GPAM: variants seen among roughly 807,000 people sequenced by gnomAD.
GPAM encodes the protein glycerol-3-phosphate acyltransferase, mitochondrial.
GPAM carries 56 observed loss-of-function variants against 105.0 expected under a neutral mutation model. That is an observed-to-expected ratio of 0.53 (90% CI 0.43 to 0.67). The LOEUF is 0.67. Among genes scored for constraint, GPAM ranks in the 30% least tolerant of loss-of-function variants. The pLI, the probability that GPAM is intolerant of heterozygous loss-of-function variation, is 0.00. For synonymous variants in GPAM, 368 were observed against 354.4 expected, an observed-to-expected ratio of 1.04 and a Z score of -0.43; for missense variants, 855 against 989.8, an observed-to-expected ratio of 0.86 and a Z score of 1.83.
chr10:112,207,928 C>A (rs1847869609), intron 1 of GPAM, among the ~76,000 whole-genome samples: 1 of 152,200 alleles, frequency 6.6e-6, no homozygotes. Flanking sequence ...CCTAGCATGA[C>A]CTGCTTATTT....
intron 9 of GPAM, among the ~76,000 whole-genome samples, chr10:112,170,946 G>A (rs944279067): frequency 3.9e-5 from 6 of 152,274 alleles, no homozygotes; most frequent in Admixed American, 1.3e-4. Flanking sequence ...TGAACCAAGG[G>A]ATTAAGAAGG....
chr10:112,227,285 A>G, the GPAM span, among the ~76,000 whole-genome samples: 1 of 152,346 alleles, frequency 6.6e-6, no homozygotes, highest in Non-Finnish European at 1.5e-5. Context: ...TCTTTCCACA[A>G]AGGAGGGTCC....
chr10:112,176,902 G>C (rs1202023376), intron 5 of GPAM, among the ~76,000 whole-genome samples: 1 of 152,076 alleles, frequency 6.6e-6, no homozygotes, highest in Non-Finnish European at 1.5e-5. Context: ...ATTCTGCCTC[G>C]TCATCATAGC....
intron 7 of GPAM, 151 bp downstream of exon 7, chr10:112,173,548 A>G (rs1271482475): frequency 2.4e-6 from 2 of 821,568 alleles, no homozygotes; most frequent in Non-Finnish European, 4.0e-6. Flanking sequence ...AAAGCTGAAT[A>G]AGAATATAAG....
intron 9 of GPAM, among the ~76,000 whole-genome samples, chr10:112,170,511 A>G (rs1031157280): frequency 6.6e-6 from 1 of 152,206 alleles, no homozygotes; most frequent in Non-Finnish European, 1.5e-5. Flanking sequence ...CCTAATTGAG[A>G]ACCAAATGTG....
chr10:112,194,819 C>T (rs1451811154), intron 1 of GPAM, among the ~76,000 whole-genome samples: 1 of 152,172 alleles, frequency 6.6e-6, no homozygotes, highest in Admixed American at 6.5e-5. Flanking sequence ...GCATGTTTTG[C>T]TGGCTCAAGT....
In GPAM at chr10:112,175,451, T is replaced by G. The variant is rs2792692; in HGVS notation, c.413+149A>C. 2.7e-3 allele frequency: 1,740 copies of G among 641,286 alleles called. 24 individuals are homozygous for G. In the African/African-American group the frequency reaches 0.028, roughly 10 times the overall value. 39.7% of individuals were successfully genotyped at this position (641,286 alleles called of 1,614,324 possible). A position where few individuals can be genotyped will look rare whatever the true frequency, so the allele number is the denominator to read the frequency against. ...TTCTCCTGCCTTTCTTTAGTTTCCT[T>G]TGGAGCTTAACATTTAATGTTTGGA... On this transcript the variant is annotated intron_variant, in intron 6 of 21. Coordinates refer to ENST00000348367, the MANE Select transcript of GPAM (RefSeq NM_001244949.2).
At chr10:112,222,390 A>T in the GPAM span, among the ~76,000 whole-genome samples, 3 of 152,296 alleles carry the variant, frequency 2.0e-5, no homozygotes, top group Non-Finnish European at 4.4e-5. Context: ...TTTGTTTTTT[A>T]AAATGACTCA....
At chr10:112,223,936 G>C in the GPAM span, among the ~76,000 whole-genome samples, 1 of 152,156 alleles carries the variant, frequency 6.6e-6, no homozygotes, top group East Asian at 1.9e-4. Flanking sequence ...AGGCATCACA[G>C]GGTTTTAGGT....
Position 112,173,835 on chromosome 10 carries a change from C to T in GPAM, c.424G>A (p.Ala142Thr). The T allele has an allele frequency of 6.2e-7, 1 of 1,611,094 alleles. No individual in the cohort carries two copies. Among genetic ancestry groups the T allele is most frequent in the Non-Finnish European group, 8.5e-7 (1 of 1,177,312 alleles). ...AATTCAGCAGCCACTTCTGCAATTG[C>T]CTCTTGTACTCTGGTATGAAAATGG... The part of the protein sequence containing the change: ...NVLNSSRVQE[A>T]IAEVAAELNP... The change falls in exon 7 of 22, where the codon GCA becomes ACA. Residue 142 changes from alanine to threonine, a missense_variant. Transcript: ENST00000348367.
upstream of GPAM, among the ~76,000 whole-genome samples, chr10:112,220,003 T>G (rs1034574246): frequency 6.6e-6 from 1 of 152,210 alleles, no homozygotes; most frequent in Non-Finnish European, 1.5e-5. Flanking sequence ...TCACAAGATT[T>G]GCCACTTTTC....
In GPAM at chr10:112,161,682, G is replaced by A. The variant is rs1338054896; in HGVS notation, c.1479C>T (p.Leu493=). ...MSTHIVACLL[L]YRHRQGIDLS... is the part of the protein sequence containing the mutation. ...GCAGACATACCTGCCTGTGTCTGTA[G>A]AGGAGCAGGCAAGCCACAATGTGTG... Residue 493 remains leucine, a synonymous_variant, in exon 15 of 22, where the codon CTC becomes CTT. Coordinates refer to ENST00000348367, the MANE Select transcript of GPAM (RefSeq NM_001244949.2). 4 of 1,612,880 alleles carry A rather than the reference G, an allele frequency of 2.5e-6. No homozygotes were observed. In the African/African-American group the frequency reaches 5.3e-5, roughly 22 times the overall value.
chr10:112,189,783 G>A (rs1052696874), intron 1 of GPAM, among the ~76,000 whole-genome samples: 3 of 152,110 alleles, frequency 2.0e-5, no homozygotes, highest in South Asian at 2.1e-4. Flanking sequence ...CATTTGCTAC[G>A]TAATTCAATA....
chr10:112,221,956 A>T, the GPAM span, among the ~76,000 whole-genome samples: 1 of 152,244 alleles, frequency 6.6e-6, no homozygotes, highest in Non-Finnish European at 1.5e-5. Flanking sequence ...TTCTGGATAT[A>T]TTTCAAAAGA....
upstream of GPAM, among the ~76,000 whole-genome samples, chr10:112,216,735 T>C (rs1359569634): frequency 6.6e-6 from 1 of 152,098 alleles, no homozygotes; most frequent in African/African-American, 2.4e-5. Flanking sequence ...GCGATTCTCG[T>C]GCCTCAGCCT....
upstream of GPAM, among the ~76,000 whole-genome samples, chr10:112,219,833 C>T (rs1848002547): frequency 6.6e-6 from 1 of 152,164 alleles, no homozygotes; most frequent in Non-Finnish European, 1.5e-5. Context: ...TGGGGTCTGG[C>T]CAAGTGACCT....
Position 112,173,682 on chromosome 10 carries a change from G to A in GPAM, c.560+17C>T, listed in dbSNP as rs1282328158. 6.2e-7 allele frequency: 1 copy of A among 1,612,316 alleles called. No individual in the cohort carries two copies. Among genetic ancestry groups the A allele is most frequent in the African/African-American group, 1.3e-5 (1 of 75,038 alleles). On this transcript the variant is annotated intron_variant, in intron 7 of 21. Transcript: ENST00000348367. ...GCATGGCTGTGATTGAAAGCTTTCT[G>A]CCTTGCCTTTTAATACCTGATCATT...
chr10:112,169,753 G>T (rs1215614619), intron 9 of GPAM, among the ~76,000 whole-genome samples: 3 of 152,212 alleles, frequency 2.0e-5, no homozygotes, highest in Non-Finnish European at 4.4e-5. Flanking sequence ...GGGCCACACA[G>T]CAGGAGATGA....
the GPAM span, among the ~76,000 whole-genome samples, chr10:112,227,583 G>A: frequency 6.6e-6 from 1 of 152,188 alleles, no homozygotes; most frequent in Admixed American, 6.5e-5. Context: ...TCATCATGCT[G>A]GTTCCCATCC....
Sources: gnomAD v4.1 joint callset for allele counts (sites outside exome capture counted in the v4.1 genomes callset) on GRCh38, gnomAD v4.1.1 for gene constraint, MANE v1.5 for transcripts, NCBI Gene and HGNC (gene_info 2026-07-23, HGNC 2026-07-21) for gene names.